Variants in SNRK observed in about 807,000 individuals in gnomAD.
SNRK encodes the protein SNF related kinase.
Under a neutral mutation model 48.2 loss-of-function variants are expected in SNRK, and 3 were observed. The ratio of observed to expected loss-of-function variants is 0.06; its 90% CI spans 0.03 to 0.16. The LOEUF is 0.16. Among genes scored for constraint, SNRK ranks in the 10% least tolerant of loss-of-function variants. The pLI, the probability that SNRK is intolerant of heterozygous loss-of-function variation, is 1.00. For synonymous variants in SNRK, 376 were observed against 366.1 expected (o/e 1.03, Z -0.31); for missense variants, 627 against 976.0 (o/e 0.64, Z 4.76).
chr3:43,297,394 A>G (rs1205603843), intron 1 of SNRK, among the ~76,000 whole-genome samples: 1 of 152,168 alleles, frequency 6.6e-6, no homozygotes, highest in Non-Finnish European at 1.5e-5. Flanking sequence ...TTTGGAGAGA[A>G]GTATTGTGAA....
At chr3:43,317,423 G>GTT (rs1031432544) in intron 3 of SNRK, among the ~76,000 whole-genome samples, 7 of 152,178 alleles carry the variant, frequency 4.6e-5, no homozygotes, top group African/African-American at 1.7e-4. Context: ...TGAGGTAGCA[G>GTT]TTTCAGGTAA....
chr3:43,288,469 C>T (rs998053222), intron 1 of SNRK, among the ~76,000 whole-genome samples: 4 of 152,098 alleles, frequency 2.6e-5, no homozygotes, highest in African/African-American at 4.8e-5. Flanking sequence ...AAAAGAAAGG[C>T]TTTTAAATGT....
chr3:43,341,632 G>A (rs1260122351), intron 5 of SNRK, among the ~76,000 whole-genome samples: 3 of 152,204 alleles, frequency 2.0e-5, no homozygotes, highest in Admixed American at 6.5e-5. Flanking sequence ...GGGTATGTTC[G>A]AAAGAGAGTA....
At chr3:43,331,726 G>T (rs61270592) in intron 3 of SNRK, among the ~76,000 whole-genome samples, 3,590 of 152,140 alleles carry the variant, frequency 0.024, 151 homozygotes, top group African/African-American at 0.081. Flanking sequence ...TACATCACCT[G>T]GTTACCTCAC....
chr3:43,337,499 C>T (rs1234650124), intron 4 of SNRK, among the ~76,000 whole-genome samples: 2 of 151,962 alleles, frequency 1.3e-5, no homozygotes, highest in Non-Finnish European at 2.9e-5. Context: ...TGGCTCACTA[C>T]AGCCTTGACC....
At chr3:43,334,884 G>A (rs548035123) in intron 4 of SNRK, among the ~76,000 whole-genome samples, 22 of 152,194 alleles carry the variant, frequency 1.4e-4, no homozygotes, top group Admixed American at 9.2e-4. Flanking sequence ...GAGCCACCAC[G>A]CCCAGCCTAT....
At chr3:43,318,586 C>A in intron 3 of SNRK, among the ~76,000 whole-genome samples, 1 of 149,988 alleles carries the variant, frequency 6.7e-6, no homozygotes, top group Non-Finnish European at 1.5e-5. Flanking sequence ...GAAATGTATG[C>A]CTGTTGAAGA....
At chr3:43,308,136 AGCT>A (rs1018464083) in intron 3 of SNRK, among the ~76,000 whole-genome samples, 3 of 152,226 alleles carry the variant, frequency 2.0e-5, no homozygotes, top group Admixed American at 2.0e-4. Flanking sequence ...GAGGGGAGGA[AGCT>A]GCAGAGGAAA....
At chr3:43,304,689 G>C (rs972917214) in intron 3 of SNRK, among the ~76,000 whole-genome samples, 4 of 152,002 alleles carry the variant, frequency 2.6e-5, no homozygotes, top group African/African-American at 7.2e-5. Context: ...CATGATGTCA[G>C]ATTCATATGT....
At chr3:43,309,576 C>A (rs1250954221) in intron 3 of SNRK, among the ~76,000 whole-genome samples, 2 of 151,824 alleles carry the variant, frequency 1.3e-5, no homozygotes, top group African/African-American at 4.8e-5. Context: ...AAAGATTATG[C>A]CTTGACTCAT....
Position 43,325,142 on chromosome 3 carries a change from A to T in SNRK, c.590-7027A>T, listed in dbSNP as rs184511843. 3.3e-5 allele frequency among the ~76,000 whole-genome samples: 5 copies of T among 152,264 alleles called. No individual in the cohort carries two copies. In the East Asian group the frequency reaches 9.6e-4, roughly 29 times the overall value. ...TCTTATGTTAGCACACCTCAGCCTC[A>T]CACAAAAGACTGTGTTTTTTGGTTT... On this transcript the variant is annotated intron_variant, in intron 3 of 6. Coordinates refer to ENST00000296088, the MANE Select transcript of SNRK (RefSeq NM_017719.5).
At chr3:43,288,885 G>A (rs185936587) in intron 1 of SNRK, among the ~76,000 whole-genome samples, 14 of 152,340 alleles carry the variant, frequency 9.2e-5, no homozygotes, top group Admixed American at 4.6e-4. Context: ...ATTTCCCAGT[G>A]TGTATCTATG....
chr3:43,292,094 A>G (rs1362117479), intron 1 of SNRK, among the ~76,000 whole-genome samples: 1 of 152,270 alleles, frequency 6.6e-6, no homozygotes, highest in Non-Finnish European at 1.5e-5. Context: ...TCTAATGGCC[A>G]ACTGAGGCAG....
chr3:43,309,643 G>A (rs1452728384), intron 3 of SNRK, among the ~76,000 whole-genome samples: 1 of 150,934 alleles, frequency 6.6e-6, no homozygotes, highest in African/African-American at 2.4e-5. Context: ...TTGAGATAGG[G>A]ACTCTCTCTG....
chr3:43,292,616 A>G (rs984857755), intron 1 of SNRK, among the ~76,000 whole-genome samples: 1 of 152,190 alleles, frequency 6.6e-6, no homozygotes, highest in Admixed American at 6.5e-5. Context: ...CTCCCAAATC[A>G]TCACTTCACC....
At chr3:43,310,355 C>T (rs948774207) in intron 3 of SNRK, among the ~76,000 whole-genome samples, 3 of 151,994 alleles carry the variant, frequency 2.0e-5, no homozygotes, top group Admixed American at 6.6e-5. Context: ...TCTGTGTTGG[C>T]GTCCACCTTT....
chr3:43,337,484 A>G (rs1575557816), intron 4 of SNRK, among the ~76,000 whole-genome samples: 2 of 151,740 alleles, frequency 1.3e-5, no homozygotes, highest in East Asian at 1.9e-4. Flanking sequence ...GCCTCAGTGC[A>G]ATCATGGCTC....
intron 1 of SNRK, among the ~76,000 whole-genome samples, chr3:43,299,522 T>C (rs2090882918): frequency 6.6e-6 from 1 of 152,212 alleles, no homozygotes; most frequent in South Asian, 2.1e-4. Context: ...TTTTCTGACC[T>C]GTCTACCTGG....
At chr3:43,338,000 T>C (rs963222420) in intron 4 of SNRK, among the ~76,000 whole-genome samples, 7 of 152,220 alleles carry the variant, frequency 4.6e-5, no homozygotes, top group African/African-American at 7.2e-5. Flanking sequence ...TCCCTCCGCC[T>C]CAGCCTTCCA....
Sources: allele counts gnomAD v4.1 joint callset (sites outside exome capture counted in the v4.1 genomes callset), GRCh38; gene constraint gnomAD v4.1.1; transcripts MANE v1.5; gene names NCBI Gene and HGNC (gene_info 2026-07-23, HGNC 2026-07-21).